Variants in PPARGC1A observed in about 807,000 individuals in gnomAD.
The protein encoded by PPARGC1A is peroxisome proliferator-activated receptor gamma coactivator 1-alpha.
Under a neutral mutation model 88.7 loss-of-function variants are expected in PPARGC1A, and 25 were observed. The observed-to-expected ratio is 0.28, with a 90% CI of 0.21 to 0.39. PPARGC1A has a LOEUF of 0.39. Among genes scored for constraint, PPARGC1A ranks in the 10% least tolerant of loss-of-function variants. The pLI is 1.00. For synonymous variants in PPARGC1A, 363 were observed against 355.6 expected, an observed-to-expected ratio of 1.02 and a Z score of -0.24; for missense variants, 880 against 968.7, an observed-to-expected ratio of 0.91 and a Z score of 1.22.
chr4:24,055,386 C>A, the PPARGC1A span, among the ~76,000 whole-genome samples: 2 of 152,144 alleles, frequency 1.3e-5, no homozygotes, highest in Non-Finnish European at 2.9e-5. Context: ...GAAACAGTTC[C>A]GTGAGCCTTA....
At chr4:24,051,117 G>A in the PPARGC1A span, among the ~76,000 whole-genome samples, 2 of 143,844 alleles carry the variant, frequency 1.4e-5, no homozygotes, top group Non-Finnish European at 1.5e-5. Flanking sequence ...GAACCCAGGA[G>A]GCAGAGCTTG....
the PPARGC1A span, among the ~76,000 whole-genome samples, chr4:24,286,823 CAAG>C: frequency 1.3e-5 from 2 of 152,178 alleles, no homozygotes; most frequent in East Asian, 3.9e-4. Flanking sequence ...GGGTCTCCCA[CAAG>C]AAGGCTACAA....
At chr4:23,861,525 C>A (rs897684698) in intron 2 of PPARGC1A, among the ~76,000 whole-genome samples, 2 of 152,030 alleles carry the variant, frequency 1.3e-5, no homozygotes, top group African/African-American at 4.8e-5. Context: ...AACACAGGAA[C>A]CAAAAGAAAT....
At chr4:24,446,262 T>G in the PPARGC1A span, among the ~76,000 whole-genome samples, 1 of 152,206 alleles carries the variant, frequency 6.6e-6, no homozygotes. Flanking sequence ...TACTTTTTTA[T>G]AATAGCCCTC....
chr4:24,375,725 C>T, the PPARGC1A span, among the ~76,000 whole-genome samples: 965 of 151,988 alleles, frequency 6.3e-3, 23 homozygotes, highest in African/African-American at 0.022. Flanking sequence ...AAGGGGGTCG[C>T]GATAGACAAA....
At chr4:24,436,122 C>A in the PPARGC1A span, among the ~76,000 whole-genome samples, 1 of 152,112 alleles carries the variant, frequency 6.6e-6, no homozygotes, top group Non-Finnish European at 1.5e-5. Flanking sequence ...TAGATATTCC[C>A]GATCAATATA....
the PPARGC1A span, among the ~76,000 whole-genome samples, chr4:24,188,301 C>T: frequency 6.6e-6 from 1 of 152,062 alleles, no homozygotes; most frequent in Non-Finnish European, 1.5e-5. Context: ...ATAACCGGTG[C>T]AGTAGGGAAG....
chr4:24,315,813 T>C, the PPARGC1A span, among the ~76,000 whole-genome samples: 2 of 152,276 alleles, frequency 1.3e-5, no homozygotes, highest in African/African-American at 4.8e-5. Flanking sequence ...TGAGAAACTC[T>C]TTTCTAAGGC....
At chr4:24,048,349 A>AT in the PPARGC1A span, among the ~76,000 whole-genome samples, 1 of 152,142 alleles carries the variant, frequency 6.6e-6, no homozygotes, top group Non-Finnish European at 1.5e-5. Context: ...AACAGTTGAC[A>AT]TTTTTTGGCC....
chr4:24,135,718 C>T, the PPARGC1A span, among the ~76,000 whole-genome samples: 172 of 152,230 alleles, frequency 1.1e-3, 1 homozygote, highest in South Asian at 0.033. Flanking sequence ...TGTCTCATTC[C>T]GGCTAGAAGT....
At chr4:23,871,963 C>A (rs183810313) in intron 2 of PPARGC1A, among the ~76,000 whole-genome samples, 2 of 152,064 alleles carry the variant, frequency 1.3e-5, no homozygotes, top group African/African-American at 4.8e-5. Flanking sequence ...GGAAAGGGAT[C>A]GGTAGCATTC....
chr4:23,982,573 A>G, the PPARGC1A span, among the ~76,000 whole-genome samples: 4 of 152,198 alleles, frequency 2.6e-5, no homozygotes, highest in Admixed American at 1.3e-4. Flanking sequence ...TAAAATTCAG[A>G]GATGCTATAC....
At chr4:23,804,397 TG>T (rs1194827929) in intron 10 of PPARGC1A, among the ~76,000 whole-genome samples, 3 of 152,218 alleles carry the variant, frequency 2.0e-5, no homozygotes, top group Non-Finnish European at 4.4e-5. Context: ...TTTATTCCAT[TG>T]TCCTAAGCCA....
intron 2 of PPARGC1A, among the ~76,000 whole-genome samples, chr4:23,879,684 C>G (rs1344537834): frequency 6.6e-6 from 1 of 152,202 alleles, no homozygotes; most frequent in African/African-American, 2.4e-5. Context: ...TGGAATGCAG[C>G]ACTGCCTGCT....
chr4:24,469,632 T>C, the PPARGC1A span, among the ~76,000 whole-genome samples: 1 of 152,158 alleles, frequency 6.6e-6, no homozygotes, highest in Admixed American at 6.5e-5. Flanking sequence ...CCAATCATTC[T>C]CCAGAGAGCA....
chr4:24,037,066 A>G, the PPARGC1A span, among the ~76,000 whole-genome samples: 5 of 152,202 alleles, frequency 3.3e-5, no homozygotes, highest in South Asian at 1.0e-3. Context: ...AAGAATGGAC[A>G]AGTTATTTGG....
At chr4:24,238,718 G>A in the PPARGC1A span, among the ~76,000 whole-genome samples, 2 of 150,014 alleles carry the variant, frequency 1.3e-5, no homozygotes, top group East Asian at 4.0e-4. Flanking sequence ...GATCTGTTAA[G>A]TGAATCCTAT....
At chr4:23,875,377 A>G (rs1461997886) in intron 2 of PPARGC1A, among the ~76,000 whole-genome samples, 1 of 152,080 alleles carries the variant, frequency 6.6e-6, no homozygotes, top group African/African-American at 2.4e-5. Context: ...CTCTTCTGAA[A>G]CATTTGAATT....
intron 2 of PPARGC1A, among the ~76,000 whole-genome samples, chr4:23,866,855 G>A (rs774179205): frequency 4.6e-5 from 7 of 151,960 alleles, no homozygotes; most frequent in Non-Finnish European, 5.9e-5. Context: ...GATACCGCCC[G>A]GGGGTGCTTG....
Sources: gnomAD v4.1 joint callset for allele counts (sites outside exome capture counted in the v4.1 genomes callset) on GRCh38, gnomAD v4.1.1 for gene constraint, MANE v1.5 for transcripts, NCBI Gene and HGNC (gene_info 2026-07-23, HGNC 2026-07-21) for gene names.